The following DENND4A variants were observed in gnomAD, a reference collection of about 807,000 sequenced individuals.
The protein encoded by DENND4A is DENN domain containing 4A, also known as C-myc promoter-binding protein.
In DENND4A, 70 loss-of-function variants were observed where a neutral mutation model predicts 199.3. The ratio of observed to expected loss-of-function variants is 0.35; its 90% CI spans 0.29 to 0.43. The LOEUF is 0.43. DENND4A is among the 20% of genes least tolerant of loss of function. The probability of loss-of-function intolerance (pLI) is 1.00; values close to 1 mark genes in which losing one functional copy is unlikely to be tolerated. For synonymous variants in DENND4A, 686 were observed against 766.9 expected (o/e 0.89, Z 1.74); for missense variants, 1,723 against 2,255.8 (o/e 0.76, Z 4.78).
rs1020296883 is a variant in DENND4A, at chr15:65,715,321, T to C, written c.1953+157A>G. ...TAATTGTAAGAGGTGCATTCTATAATTTCTAGCAGGCTACCAAAACTTTCA... is the reference window on the plus strand; with the variant it reads ...TAATTGTAAGAGGTGCATTCTATAACTTCTAGCAGGCTACCAAAACTTTCA... On this transcript the variant is annotated intron_variant, in intron 14 of 32. Coordinates refer to ENST00000443035, the MANE Select transcript of DENND4A (RefSeq NM_001320835.1). 7 of 638,084 alleles carry C rather than the reference T, an allele frequency of 1.1e-5. No individual in the cohort carries two copies. In the Admixed American group the frequency reaches 2.4e-4, roughly 22 times the overall value. The allele number at this position is 638,084 out of a possible 1,614,324, so 39.5% of individuals were successfully genotyped here.
At chr15:65,684,602 T>C (rs1174845456) in intron 23 of DENND4A, among the ~76,000 whole-genome samples, 7 of 152,206 alleles carry the variant, frequency 4.6e-5, no homozygotes, top group African/African-American at 1.2e-4. Context: ...ATATTATGGA[T>C]TCAAGTCCTT....
At chr15:65,728,260 C>A (rs1203974074) in intron 11 of DENND4A, among the ~76,000 whole-genome samples, 1 of 152,054 alleles carries the variant, frequency 6.6e-6, no homozygotes, top group Non-Finnish European at 1.5e-5. Context: ...ACCTTGGCTT[C>A]CCAAAGTGCT....
intron 25 of DENND4A, among the ~76,000 whole-genome samples, chr15:65,670,456 T>C (rs149816405): frequency 1.1e-3 from 169 of 152,312 alleles, no homozygotes; most frequent in African/African-American, 3.9e-3. Context: ...GTTTTATTAA[T>C]GGAAAAGTAA....
rs995513883 is a variant in DENND4A at position 65,660,612 on chromosome 15, T to A, written c.*1239A>T. On this transcript the variant is annotated 3_prime_UTR_variant, in exon 33 of 33. Transcript: ENST00000443035. ...ACATTAGAAATAATATGACTAAAAA[T>A]ATATTTTTAAAGCTATTTAATACTC... 7 of 278,396 alleles carry A rather than the reference T, an allele frequency of 2.5e-5. No individual in the cohort carries two copies. The highest frequency in any genetic ancestry group is 1.3e-4 in the African/African-American group (6 of 45,618). The allele number at this position is 278,396 out of a possible 1,614,324, so 17.2% of individuals were successfully genotyped here.
rs1263875155 is a variant in DENND4A, at chr15:65,752,443, G to T, written c.497C>A (p.Pro166His). Residue 166 changes from proline to histidine, a missense_variant, in exon 4 of 33, where the codon CCC becomes CAC. By Grantham distance (77) the Pro-to-His change is moderately conservative. Around this residue, in one of 6 missense-constraint regions of DENND4A, gnomAD observed 725 missense variants for 952.9 expected, o/e 0.76. Coordinates refer to ENST00000443035, the MANE Select transcript of DENND4A (RefSeq NM_001320835.1). Reference sequence around the variant, plus strand: ...GTGTGGTGGGCTTTCTCCTTTACTGGGTATAATAATACATATGTCAGTGAC... The same window carrying T: ...GTGTGGTGGGCTTTCTCCTTTACTGTGTATAATAATACATATGTCAGTGAC... ...LAVTDICIIIPSKGESPPHTF... is the reference protein window; with the variant it reads ...LAVTDICIIIHSKGESPPHTF... The T allele has an allele frequency of 6.2e-7, 1 of 1,613,450 alleles. No homozygotes were observed. The highest frequency in any genetic ancestry group is 8.5e-7 in the Non-Finnish European group (1 of 1,179,716).
intron 22 of DENND4A, among the ~76,000 whole-genome samples, chr15:65,694,379 G>A (rs2077071694): frequency 6.6e-6 from 1 of 151,810 alleles, no homozygotes; most frequent in Non-Finnish European, 1.5e-5. Context: ...AACCCAGGAA[G>A]CAGAGGTTGC....
intron 1 of DENND4A, among the ~76,000 whole-genome samples, chr15:65,785,418 G>A (rs1596711673): frequency 6.7e-6 from 1 of 150,194 alleles, no homozygotes; most frequent in African/African-American, 2.5e-5. Context: ...TGAGCCCAAG[G>A]GGTTGAGGTT....
chr15:65,720,982 T>TATATATGTGTATATATATATATATA (rs71447856), intron 12 of DENND4A, among the ~76,000 whole-genome samples: 1 of 123,744 alleles, frequency 8.1e-6, no homozygotes, highest in African/African-American at 3.0e-5. Context: ...TATATATATA[T>TATATATGTGTATATATATATATATA]TTGTACTTTT....
rs181000541 is a variant in DENND4A, at chr15:65,790,523, T to C, written c.-102+1487A>G. On this transcript the variant is annotated intron_variant, in intron 1 of 32. Coordinates refer to ENST00000443035, the MANE Select transcript of DENND4A (RefSeq NM_001320835.1). ...TAAACTCCACAGTGAAGTAGGTCTA[T>C]GTTTAATCATTCAGAAAAAGAAAAT... 1.3e-3 allele frequency among the ~76,000 whole-genome samples: 192 copies of C among 152,294 alleles called. 1 individual carries two copies. Among genetic ancestry groups the C allele is most frequent in the African/African-American group, 4.5e-3 (185 of 41,570 alleles).
chr15:65,776,823 T>C (rs1284979856), intron 1 of DENND4A, among the ~76,000 whole-genome samples: 1 of 151,596 alleles, frequency 6.6e-6, no homozygotes, highest in Non-Finnish European at 1.5e-5. Flanking sequence ...GTAAGAAAAA[T>C]GAAGTGGAAA....
intron 32 of DENND4A, among the ~76,000 whole-genome samples, chr15:65,664,027 TATACC>T (rs2075960611): frequency 6.6e-6 from 1 of 152,194 alleles, no homozygotes; most frequent in Non-Finnish European, 1.5e-5. Flanking sequence ...ATATAATCCA[TATACC>T]ATACAATTCA....
chr15:65,772,656 G>A (rs570489967), intron 1 of DENND4A, among the ~76,000 whole-genome samples: 9 of 122,842 alleles, frequency 7.3e-5, no homozygotes, highest in South Asian at 2.9e-4. Context: ...GCAGTGGGCC[G>A]AGATCGAGCC....
At chr15:65,752,309 AAAAAGAT>A in intron 4 of DENND4A, 63 bp downstream of exon 4, 15 of 599,498 alleles carry the variant, frequency 2.5e-5, no homozygotes, top group East Asian at 1.6e-4. Context: ...AAAAAAAAAA[AAAAAGAT>A]GTATTTAAAA....
intron 22 of DENND4A, among the ~76,000 whole-genome samples, chr15:65,693,040 C>A (rs567077351): frequency 4.1e-4 from 62 of 152,282 alleles, no homozygotes; most frequent in African/African-American, 1.5e-3. Flanking sequence ...ATGTGCCCTG[C>A]AAGGCCTGAA....
intron 14 of DENND4A, among the ~76,000 whole-genome samples, chr15:65,711,035 T>C (rs952399504): frequency 1.3e-5 from 2 of 152,202 alleles, no homozygotes; most frequent in Admixed American, 1.3e-4. Flanking sequence ...ACCTCTTTTT[T>C]TTATTAGTTC....
At chr15:65,679,543 T>A (rs1293052523) in intron 23 of DENND4A, among the ~76,000 whole-genome samples, 1 of 152,104 alleles carries the variant, frequency 6.6e-6, no homozygotes, top group African/African-American at 2.4e-5. Flanking sequence ...TTAAAAACAT[T>A]TTTTTGAGGT....
intron 4 of DENND4A, 45 bp downstream of exon 4, chr15:65,752,334 C>G: frequency 3.0e-6 from 1 of 328,778 alleles, no homozygotes; most frequent in East Asian, 8.1e-5. Context: ...AAATTATGCT[C>G]TTTTCATCAG....
chr15:65,712,020 C>T (rs1409210777), intron 14 of DENND4A, among the ~76,000 whole-genome samples: 1 of 152,198 alleles, frequency 6.6e-6, no homozygotes, highest in Non-Finnish European at 1.5e-5. Context: ...TGAAGTATGG[C>T]TAATCACCAT....
chr15:65,730,442 G>C (rs909139174), intron 9 of DENND4A, among the ~76,000 whole-genome samples: 27 of 152,032 alleles, frequency 1.8e-4, no homozygotes, highest in Non-Finnish European at 3.1e-4. Flanking sequence ...AAAAATCGGG[G>C]TAAGTTCATA....
Sources: gnomAD v4.1 joint callset for allele counts (sites outside exome capture counted in the v4.1 genomes callset) on GRCh38, gnomAD v4.1.1 for gene constraint, gnomAD v4.1.1 regional missense constraint, MANE v1.5 for transcripts, NCBI Gene and HGNC (gene_info 2026-07-23, HGNC 2026-07-21) for gene names.